The following ARR3 variants were observed in gnomAD, a reference collection of about 807,000 sequenced individuals.
The protein encoded by ARR3 is arrestin-C.
In ARR3, 14 loss-of-function variants were observed where a neutral mutation model predicts 35.4. The observed-to-expected ratio is 0.40, with a 90% CI of 0.26 to 0.62. The LOEUF (loss-of-function observed/expected upper bound fraction) is 0.62. Among genes scored for constraint, ARR3 ranks in the 20% least tolerant of loss-of-function variants. The probability of loss-of-function intolerance (pLI) is 0.46; values close to 1 mark genes in which losing one functional copy is unlikely to be tolerated. For missense variants in ARR3, 259 were observed against 303.8 expected, an observed-to-expected ratio of 0.85 and a Z score of 1.10; for synonymous variants, 97 against 119.1, an observed-to-expected ratio of 0.81 and a Z score of 1.21.
intron 5 of ARR3, among the ~76,000 whole-genome samples, chrX:70,274,658 G>T (rs984651607): frequency 8.9e-6 from 1 of 112,652 alleles, no homozygotes; most frequent in African/African-American, 3.2e-5. Context: ...GGCTCTAGCA[G>T]GTTCTGTTGT....
intron 5 of ARR3, among the ~76,000 whole-genome samples, chrX:70,270,735 G>T (rs765456197): frequency 1.9e-5 from 2 of 107,978 alleles, no homozygotes; most frequent in Non-Finnish European, 3.8e-5. Context: ...TCTGGTATAC[G>T]TCTTTCCATC....
chrX:70,276,085 T>C lies in ARR3; in HGVS notation c.149T>C (p.Phe50Ser), dbSNP rs773213555. Residue 50 changes from phenylalanine to serine, a missense_variant, in exon 6 of 17, where the codon TTT becomes TCT. Phe to Ser is a radical substitution (Grantham distance 155, BLOSUM62 -2). Coordinates refer to ENST00000307959, the MANE Select transcript of ARR3 (RefSeq NM_004312.3). The stretch of plus-strand genomic sequence containing the variant: ...TCTCTTCCTCCTATGCCTGCAGTGT[T>C]TGTCATGTTGACATGTGCCTTTCGC... ...DPEYLKCRKL[F>S]VMLTCAFRYG... The C allele has an allele frequency of 8.3e-7, 1 of 1,211,910 alleles. No homozygotes were observed. Among genetic ancestry groups the C allele is most frequent in the East Asian group, 3.0e-5 (1 of 33,840 alleles).
intron 5 of ARR3, among the ~76,000 whole-genome samples, chrX:70,275,662 T>TC (rs2085648896): frequency 6.5e-5 from 2 of 30,769 alleles, no homozygotes; most frequent in African/African-American, 1.4e-4. Context: ...CTTCAATCTT[T>TC]TTTTTTTTTT....
intron 5 of ARR3, among the ~76,000 whole-genome samples, chrX:70,270,734 C>T (rs1190282248): frequency 1.8e-5 from 2 of 108,990 alleles, no homozygotes; most frequent in African/African-American, 6.7e-5. Context: ...CTCTGGTATA[C>T]GTCTTTCCAT....
chrX:70,269,507 C>A, intron 2 of ARR3, 114 bp downstream of exon 2: 1 of 971,698 alleles, frequency 1.0e-6, no homozygotes. Flanking sequence ...TCCTTGGATT[C>A]TACCCCAATT....
At position 70,276,556 on chromosome X, in the gene ARR3, C is replaced by A. The variant is rs369794661; in HGVS notation, c.405+64C>A. 3.4e-6 allele frequency: 4 copies of A among 1,176,986 alleles called. No individual in the cohort carries two copies. The African/African-American group carries it at 7.1e-5, about 21-fold the overall frequency. ...CAGGGAAGAGGAACAGTGGGACAGT[C>A]AAGACTGGAGAAATGGACAGCTAAG... On this transcript the variant is annotated intron_variant, in intron 7 of 16. Coordinates refer to ENST00000307959, the MANE Select transcript of ARR3 (RefSeq NM_004312.3).
chrX:70,276,588 G>C (rs2085653993), intron 7 of ARR3, 81 bp from the exon 8 acceptor site: 1 of 1,169,010 alleles, frequency 8.6e-7, no homozygotes, highest in African/African-American at 1.8e-5. Flanking sequence ...TAAGGAAAGA[G>C]GTCAGGCATT....
chrX:70,280,123 A>T, intron 12 of ARR3, 72 bp from the exon 13 acceptor site: 1 of 985,728 alleles, frequency 1.0e-6, no homozygotes, highest in Non-Finnish European at 1.4e-6. Flanking sequence ...GGAATGCATG[A>T]GAAGAAACTG....
In ARR3 at chrX:70,280,290, T is replaced by C; in HGVS notation, c.989+12T>C. The stretch of plus-strand genomic sequence containing the variant: ...GTGTCCTGTGGTGGGTAAGTGAGGG[T>C]TCTGGGTCTGTCTGGGCAGGGGCTG... On this transcript the variant is annotated intron_variant, in intron 13 of 16. Coordinates refer to ENST00000307959, the MANE Select transcript of ARR3 (RefSeq NM_004312.3). The C allele has an allele frequency of 8.3e-7, 1 of 1,202,742 alleles. No individual in the cohort carries two copies.
chrX:70,270,670 CT>C (rs941224774), intron 5 of ARR3, among the ~76,000 whole-genome samples: 88 of 103,241 alleles, frequency 8.5e-4, no homozygotes, highest in Non-Finnish European at 9.8e-4. Context: ...AGATTATAAA[CT>C]TTTTTTTTTT....
intron 1 of ARR3, among the ~76,000 whole-genome samples, chrX:70,268,596 C>T (rs977964540): frequency 9.0e-6 from 1 of 111,630 alleles, no homozygotes; most frequent in Non-Finnish European, 1.9e-5. Flanking sequence ...AGAGACATCT[C>T]CCTCTCTCTA....
At position 70,280,610 on chromosome X, in the gene ARR3, G is replaced by A. The variant is rs759093134; in HGVS notation, c.1013+28G>A. On this transcript the variant is annotated intron_variant, in intron 14 of 16. Coordinates refer to ENST00000307959, the MANE Select transcript of ARR3 (RefSeq NM_004312.3). ...GAGAGACTGTGGGGTGGGGGAACTT[G>A]GGCAAGAAGAGGAGGACAAGGGGAT... The A allele has an allele frequency of 6.7e-6, 8 of 1,199,489 alleles. No individual in the cohort carries two copies. In the South Asian group the frequency reaches 1.3e-4, roughly 19 times the overall value.
At chrX:70,277,679 C>T in intron 9 of ARR3, 37 bp from the exon 10 acceptor site, 1 of 1,191,790 alleles carries the variant, frequency 8.4e-7, no homozygotes, top group Non-Finnish European at 1.1e-6. Flanking sequence ...GCGTATTCGT[C>T]CTCCAGCCTT....
chrX:70,280,711 C>G, intron 14 of ARR3, 55 bp from the exon 15 acceptor site: 1 of 1,204,926 alleles, frequency 8.3e-7, no homozygotes, highest in Non-Finnish European at 1.1e-6. Context: ...GAGGGAGGTT[C>G]AGGGATTGGG....
chrX:70,269,340 C>T lies in ARR3; in HGVS notation c.-30-16C>T, dbSNP rs2085620127. 6 of 1,199,036 alleles carry T rather than the reference C, an allele frequency of 5.0e-6. No individual in the cohort carries two copies. Among genetic ancestry groups the T allele is most frequent in the South Asian group, 1.8e-5 (1 of 54,303 alleles). Reference sequence around the variant, plus strand: ...GAAATGAAATGATTGAGCCTTTCTTCTTTCCCTTTTCCCAGAAAAGGCTCA... The same window carrying T: ...GAAATGAAATGATTGAGCCTTTCTTTTTTCCCTTTTCCCAGAAAAGGCTCA... On this transcript the variant is annotated splice_polypyrimidine_tract_variant and intron_variant, in intron 1 of 16. Coordinates refer to ENST00000307959, the MANE Select transcript of ARR3 (RefSeq NM_004312.3).
chrX:70,277,544 C>A lies in ARR3; in HGVS notation c.609+15C>A. 8.3e-7 allele frequency: 1 copy of A among 1,205,566 alleles called. No homozygotes were observed. Among genetic ancestry groups the A allele is most frequent in the Non-Finnish European group, 1.1e-6 (1 of 892,891 alleles). Reference sequence around the variant, plus strand: ...TGGACAGGGAGGTTTGTGACCCCCACTTTTTGCCTCCCACCCCAGAACCCC... The same window carrying A: ...TGGACAGGGAGGTTTGTGACCCCCAATTTTTGCCTCCCACCCCAGAACCCC... On this transcript the variant is annotated intron_variant, in intron 9 of 16. Coordinates refer to ENST00000307959, the MANE Select transcript of ARR3 (RefSeq NM_004312.3).
intron 16 of ARR3, 77 bp downstream of exon 16, chrX:70,281,185 G>A: frequency 8.7e-7 from 1 of 1,148,154 alleles, no homozygotes. Context: ...ATAGAAATGT[G>A]AAAATGCTTC....
chrX:70,278,271 T>C lies in ARR3; in HGVS notation c.767+133T>C, dbSNP rs962784789. On this transcript the variant is annotated intron_variant, in intron 11 of 16. Coordinates refer to ENST00000307959, the MANE Select transcript of ARR3 (RefSeq NM_004312.3). The stretch of plus-strand genomic sequence containing the variant: ...TCCAGGGAGGGATTCCCAGGAGAAC[T>C]AGATGGAGGGGATGCAACTTACCCC... The C allele has an allele frequency of 6.8e-5, 47 of 691,712 alleles. No individual in the cohort carries two copies. The African/African-American group carries it at 7.9e-4, about 12-fold the overall frequency. 57.0% of individuals were successfully genotyped at this position (691,712 alleles called of 1,213,427 possible). A position where few individuals can be genotyped will look rare whatever the true frequency, so the allele number is the denominator to read the frequency against.
chrX:70,269,709 C>A lies in ARR3; in HGVS notation c.39+17C>A. The A allele has an allele frequency of 1.7e-6, 2 of 1,205,020 alleles. No homozygotes were observed. Among genetic ancestry groups the A allele is most frequent in the Non-Finnish European group, 2.2e-6 (2 of 891,520 alleles). On this transcript the variant is annotated intron_variant, in intron 3 of 16. Transcript: ENST00000307959. ...AATGGGAAGGTGAGAGAACCTGGCC[C>A]AGCTGGGCAAATGAGAGGGCAAAAG...
Sources: allele counts gnomAD v4.1 joint callset (sites outside exome capture counted in the v4.1 genomes callset), GRCh38; gene constraint gnomAD v4.1.1; transcripts MANE v1.5; gene names NCBI Gene and HGNC (gene_info 2026-07-23, HGNC 2026-07-21).